PIK3C2A: variants seen among roughly 807,000 people sequenced by gnomAD.
The protein encoded by PIK3C2A is phosphatidylinositol-4-phosphate 3-kinase catalytic subunit type 2 alpha, also known as phosphatidylinositol 4-phosphate 3-kinase C2 domain-containing subunit alpha.
A neutral mutation model predicts 204.5 loss-of-function variants in PIK3C2A; 97 were observed. The observed-to-expected ratio is 0.47, with a 90% CI of 0.40 to 0.56. The LOEUF is 0.56. Among genes scored for constraint, PIK3C2A ranks in the 20% least tolerant of loss-of-function variants. The probability of loss-of-function intolerance (pLI) is 0.00; values close to 1 mark genes in which losing one functional copy is unlikely to be tolerated. For synonymous variants in PIK3C2A, 653 were observed against 664.4 expected (o/e 0.98, Z 0.26); for missense variants, 1,735 against 1,969.2 (o/e 0.88, Z 2.25).
chr11:17,206,752 G>T (rs140339277), intron 1 of PIK3C2A, among the ~76,000 whole-genome samples: 1 of 152,096 alleles, frequency 6.6e-6, no homozygotes, highest in Non-Finnish European at 1.5e-5. Flanking sequence ...TGTCTTCACC[G>T]TTCCCCTACA....
Position 17,168,711 on chromosome 11 carries a change from G to A in PIK3C2A, c.1031C>T (p.Thr344Ile), listed in dbSNP as rs1434770995. 1.3e-6 allele frequency: 2 copies of A among 1,599,946 alleles called. No homozygotes were observed. The highest frequency in any genetic ancestry group is 2.3e-5 in the South Asian group (2 of 88,366). The change falls in exon 2 of 33, where the codon ACT becomes ATT. Residue 344 changes from threonine to isoleucine, a missense_variant. Physicochemically the swap from Thr to Ile is moderately conservative, Grantham distance 89 (BLOSUM62 -1). This residue lies in a region of PIK3C2A where 536 missense variants were observed against 546.7 expected (regional missense o/e 0.98). Transcript: ENST00000691414. ...ATGGCCCTGGGCTTTTGCAAGCTGAGTTGTTCGAATATTTAAAGACTGGCT... is the reference window on the plus strand; with the variant it reads ...ATGGCCCTGGGCTTTTGCAAGCTGAATTGTTCGAATATTTAAAGACTGGCT... ...TRSQSLNIRT[T>I]QLAKAQGHIS... is the part of the protein sequence containing the mutation.
At chr11:17,185,801 T>C (rs10832742) in intron 1 of PIK3C2A, among the ~76,000 whole-genome samples, 1,961 of 152,236 alleles carry the variant, frequency 0.013, 13 homozygotes, top group Non-Finnish European at 0.02. Context: ...TCATCTCTTG[T>C]TCTTTCCTGG....
chr11:17,089,864 A>C lies in PIK3C2A; in HGVS notation c.4935T>G (p.Ser1645Arg). The C allele has an allele frequency of 6.2e-7, 1 of 1,613,440 alleles. No homozygotes were observed. The highest frequency in any genetic ancestry group is 8.5e-7 in the Non-Finnish European group (1 of 1,179,500). ...CCCGCAGAGATTCTGCACTGAGTAC[A>C]CTTAGTTGAAGTTCTCGCTGTCTTA... ...ETLRQRELQL[S>R]VLSAESLREN... Residue 1645 changes from serine (S) to arginine (R), a missense_variant, in exon 33 of 33, where the codon AGT becomes AGG. Around this residue, in one of 6 missense-constraint regions of PIK3C2A, gnomAD observed 503 missense variants for 669.0 expected, o/e 0.75. Coordinates refer to ENST00000691414, the MANE Select transcript of PIK3C2A (RefSeq NM_002645.4).
chr11:17,130,132 A>C (rs1391064585), intron 12 of PIK3C2A, among the ~76,000 whole-genome samples: 1 of 152,200 alleles, frequency 6.6e-6, no homozygotes, highest in African/African-American at 2.4e-5. Flanking sequence ...TTTGGGATGT[A>C]AGAATTCACA....
chr11:17,188,108 T>C (rs2137543350), intron 1 of PIK3C2A, among the ~76,000 whole-genome samples: 1 of 151,898 alleles, frequency 6.6e-6, no homozygotes, highest in South Asian at 2.1e-4. Context: ...GAGGCCGAGG[T>C]GGGTGGATCA....
rs967371667 is a variant in PIK3C2A at position 17,124,600 on chromosome 11, C to T, written c.2400-1787G>A. Among the ~76,000 whole-genome samples, 4 of 152,206 alleles carry T rather than the reference C, an allele frequency of 2.6e-5. No homozygotes were observed. The South Asian group carries it at 8.3e-4, about 32-fold the overall frequency. ...CTGCCTTTACAGAGTTTATTTATAG[C>T]CACATGTAAACAAACTGGCCTTCAC... On this transcript the variant is annotated intron_variant, in intron 13 of 32. Coordinates refer to ENST00000691414, the MANE Select transcript of PIK3C2A (RefSeq NM_002645.4).
Position 17,166,477 on chromosome 11 carries a change from T to C in PIK3C2A, c.1065+2200A>G, listed in dbSNP as rs184438659. 3.0e-3 allele frequency among the ~76,000 whole-genome samples: 455 copies of C among 152,296 alleles called. 3 individuals carry two copies. Among genetic ancestry groups the C allele is most frequent in the African/African-American group, 0.01 (431 of 41,560 alleles). ...ATATCAGCTTAGCTGGGATAATCTATTTCTCTCAGTAGGTAAATGACTTTT... is the reference window on the plus strand; with the variant it reads ...ATATCAGCTTAGCTGGGATAATCTACTTCTCTCAGTAGGTAAATGACTTTT... On this transcript the variant is annotated intron_variant, in intron 2 of 32. Transcript: ENST00000691414.
chr11:17,087,707 G>A lies in PIK3C2A; in HGVS notation c.*2031C>T, dbSNP rs1319948987. 6.6e-6 allele frequency: 1 copy of A among 152,192 alleles called. No individual in the cohort carries two copies. The highest frequency in any genetic ancestry group is 2.4e-5 in the African/African-American group (1 of 41,444). 9.4% of individuals were successfully genotyped at this position (152,192 alleles called of 1,614,324 possible). A position where few individuals can be genotyped will look rare whatever the true frequency, so the allele number is the denominator to read the frequency against. On this transcript the variant is annotated 3_prime_UTR_variant, in exon 33 of 33. Transcript: ENST00000691414. ...ATGGAATTCGGTCTCAAAAGCTTAAGTGAAAATTACTAGTACATTTGCATT... is the reference window on the plus strand; with the variant it reads ...ATGGAATTCGGTCTCAAAAGCTTAAATGAAAATTACTAGTACATTTGCATT...
intron 1 of PIK3C2A, among the ~76,000 whole-genome samples, chr11:17,195,978 G>A (rs1251617791): frequency 6.6e-6 from 1 of 152,040 alleles, no homozygotes; most frequent in Non-Finnish European, 1.5e-5. Context: ...GGCAGAGCTT[G>A]CAGTGAGCCG....
At chr11:17,204,779 AG>A (rs984853657) in intron 1 of PIK3C2A, among the ~76,000 whole-genome samples, 1 of 152,218 alleles carries the variant, frequency 6.6e-6, no homozygotes, top group Non-Finnish European at 1.5e-5. Context: ...AGCCCTATGC[AG>A]GTACAACTAC....
rs539346235 is a variant in PIK3C2A at position 17,101,817 on chromosome 11, A to G, written c.3852-383T>C. On this transcript the variant is annotated intron_variant, in intron 24 of 32. Coordinates refer to ENST00000691414, the MANE Select transcript of PIK3C2A (RefSeq NM_002645.4). Reference sequence around the variant, plus strand: ...GCGGGGTTTCACCGTGTTAGCCAGGATGGTCTCGATCTCCTGACCTTGTGA... The same window carrying G: ...GCGGGGTTTCACCGTGTTAGCCAGGGTGGTCTCGATCTCCTGACCTTGTGA... Among the ~76,000 whole-genome samples, 15 of 151,734 alleles carry G rather than the reference A, an allele frequency of 9.9e-5. No homozygotes were observed. The South Asian group carries it at 2.1e-3, about 21-fold the overall frequency.
rs751047890 is a variant in PIK3C2A at position 17,169,038 on chromosome 11, T to C, written c.704A>G (p.Glu235Gly). 8.1e-6 allele frequency: 13 copies of C among 1,613,992 alleles called. No homozygotes were observed. The highest frequency in any genetic ancestry group is 1.1e-5 in the Non-Finnish European group (13 of 1,179,986). The change falls in exon 2 of 33, where the codon GAA (glutamate) becomes GGA (glycine). Residue 235 changes from glutamate (E) to glycine (G), a missense_variant. By Grantham distance (98) the Glu-to-Gly change is moderately conservative. Transcript: ENST00000691414. ...KLFDKIASTS[E>G]FLKNGKARTD... The stretch of plus-strand genomic sequence containing the variant: ...CCTTGCTTTCCCATTTTTTAAAAAT[T>C]CTGATGTACTAGCTATTTTGTCAAA...
chr11:17,098,794 A>G (rs1419447968), intron 26 of PIK3C2A, among the ~76,000 whole-genome samples: 3 of 152,188 alleles, frequency 2.0e-5, no homozygotes, highest in African/African-American at 4.8e-5. Context: ...GAGAGAAAAG[A>G]ACATGAGCTC....
chr11:17,157,818 T>C (rs1850646193), intron 2 of PIK3C2A, among the ~76,000 whole-genome samples: 1 of 152,208 alleles, frequency 6.6e-6, no homozygotes, highest in Non-Finnish European at 1.5e-5. Context: ...CTATGACAAA[T>C]AGACTATATT....
At chr11:17,139,665 T>A (rs1244934453) in intron 8 of PIK3C2A, among the ~76,000 whole-genome samples, 1 of 152,188 alleles carries the variant, frequency 6.6e-6, no homozygotes, top group Non-Finnish European at 1.5e-5. Flanking sequence ...CTACCCTACA[T>A]CCTGTAATAC....
At chr11:17,131,853 T>C (rs1849705820) in intron 12 of PIK3C2A, 63 bp downstream of exon 12, 3 of 1,365,310 alleles carry the variant, frequency 2.2e-6, no homozygotes, top group African/African-American at 1.5e-5. Context: ...CTAGGATGCA[T>C]ACATTGGAAA....
chr11:17,174,592 T>C (rs1590995931), intron 1 of PIK3C2A, among the ~76,000 whole-genome samples: 1 of 1,740 alleles, frequency 5.7e-4, no homozygotes, highest in Non-Finnish European at 1.1e-3. Flanking sequence ...AGACTCCGTC[T>C]CAAAAAAAAA....
chr11:17,097,105 T>C lies in PIK3C2A; in HGVS notation c.4278A>G (p.Glu1426=). The change falls in exon 27 of 33, where the codon GAA becomes GAG. Residue 1426 remains glutamate (E), a synonymous_variant. Transcript: ENST00000691414. ...TCTTATGATATGTAAAAACAGAGAC[T>C]TCCTTGATTCGACCATCTTGTCTAA... ...YSFRQDGRIK[E]VSVFTYHKKY... is the part of the protein sequence containing the mutation. The C allele has an allele frequency of 6.2e-7, 1 of 1,607,516 alleles. No homozygotes were observed. Among genetic ancestry groups the C allele is most frequent in the Non-Finnish European group, 8.5e-7 (1 of 1,174,046 alleles).
chr11:17,175,935 A>T (rs148179871), intron 1 of PIK3C2A, among the ~76,000 whole-genome samples: 3 of 152,262 alleles, frequency 2.0e-5, no homozygotes, highest in African/African-American at 7.2e-5. Flanking sequence ...TGAACAATAC[A>T]GATATTTGTC....
Sources: allele counts gnomAD v4.1 joint callset (sites outside exome capture counted in the v4.1 genomes callset), GRCh38; gene constraint gnomAD v4.1.1; regional missense constraint gnomAD v4.1.1; transcripts MANE v1.5; gene names NCBI Gene and HGNC (gene_info 2026-07-23, HGNC 2026-07-21).